GCNT2: variants seen among roughly 807,000 people sequenced by gnomAD.
GCNT2 encodes glucosaminyl (N-acetyl) transferase 2 (I blood group).
GCNT2 carries 34 observed loss-of-function variants against 34.2 expected under a neutral mutation model. The observed-to-expected ratio is 1.00, with a 90% CI of 0.76 to 1.32. The LOEUF is 1.32. Among genes scored for constraint, GCNT2 ranks in the 40% most tolerant of loss-of-function variants. GCNT2 has a pLI of 0.00. For missense variants in GCNT2, 584 were observed against 489.4 expected, an observed-to-expected ratio of 1.19 and a Z score of -1.82; for synonymous variants, 212 against 188.0, an observed-to-expected ratio of 1.13 and a Z score of -1.04.
At chr6:10,579,943 CCTA>C (rs963401451) in intron 3 of GCNT2, among the ~76,000 whole-genome samples, 2 of 152,032 alleles carry the variant, frequency 1.3e-5, no homozygotes, top group African/African-American at 4.8e-5. Context: ...ACTTACTTCA[CCTA>C]CTGCTGTCGG....
intron 3 of GCNT2, among the ~76,000 whole-genome samples, chr6:10,577,143 G>C (rs1763855939): frequency 6.6e-6 from 1 of 152,256 alleles, no homozygotes; most frequent in South Asian, 2.1e-4. Flanking sequence ...AATTGGGCGT[G>C]TGTGACTTTG....
chr6:10,562,802 G>C (rs1257296211), intron 3 of GCNT2, among the ~76,000 whole-genome samples: 1 of 152,110 alleles, frequency 6.6e-6, no homozygotes, highest in Non-Finnish European at 1.5e-5. Context: ...GGCTTTGGTG[G>C]AGGAGGCTGC....
chr6:10,539,310 C>T (rs534811637), intron 3 of GCNT2, among the ~76,000 whole-genome samples: 102 of 151,288 alleles, frequency 6.7e-4, no homozygotes, highest in African/African-American at 2.4e-3. Context: ...CTGCCTCAGC[C>T]TCCCGAGTTG....
rs1491129469 is a variant in GCNT2, at chr6:10,534,139, C to CTTTTTTTTTTTTTT, written c.925+4304_925+4305insTTTTTTTTTTTTTT. ...CTGGTATCTGCCAGATTCCATGCTGCTCTTTTTTTTTTTTTTTTTTAAGAT... is the reference window on the plus strand; with the variant it reads ...CTGGTATCTGCCAGATTCCATGCTGCTTTTTTTTTTTTTTTCTTTTTTTTTTTTTTTTTTAAGAT... On this transcript the variant is annotated intron_variant, in intron 3 of 4. Transcript: ENST00000495262. 3.2e-3 allele frequency among the ~76,000 whole-genome samples: 400 copies of CTTTTTTTTTTTTTT among 123,094 alleles called. 33 individuals carry two copies. Among genetic ancestry groups the CTTTTTTTTTTTTTT allele is most frequent in the South Asian group, 6.1e-3 (19 of 3,122 alleles). 80.8% of individuals were successfully genotyped at this position (123,094 alleles called of 152,430 possible).
At chr6:10,530,921 G>T (rs1761456796) in intron 3 of GCNT2, among the ~76,000 whole-genome samples, 1 of 151,976 alleles carries the variant, frequency 6.6e-6, no homozygotes, top group Non-Finnish European at 1.5e-5. Context: ...AGGCGTGGTG[G>T]CGCATGCCTG....
At chr6:10,616,751 G>T (rs946023515) in intron 3 of GCNT2, among the ~76,000 whole-genome samples, 1 of 152,106 alleles carries the variant, frequency 6.6e-6, no homozygotes, top group Admixed American at 6.5e-5. Flanking sequence ...TAGATACAGA[G>T]TGCTGATTGC....
intron 3 of GCNT2, among the ~76,000 whole-genome samples, chr6:10,567,624 G>A (rs188369242): frequency 1.3e-3 from 204 of 152,258 alleles, no homozygotes; most frequent in Non-Finnish European, 2.0e-3. Flanking sequence ...ATATTTCTTG[G>A]ATGTATTGAA....
intron 3 of GCNT2, chr6:10,556,431 T>G: frequency 6.2e-7 from 1 of 1,613,984 alleles, no homozygotes; most frequent in South Asian, 1.1e-5. Context: ...GGCATGCCTT[T>G]ATCAATGCGT....
rs55637072 is a variant in GCNT2 at position 10,559,072 on chromosome 6, CTT to C, written c.925+29252_925+29253del. On this transcript the variant is annotated intron_variant, in intron 3 of 4. Coordinates refer to ENST00000495262, the MANE Select transcript of GCNT2 (RefSeq NM_145649.5). Reference sequence around the variant, plus strand: ...AAGTTAACAAAAGTCTAAATTGTTGCTTTTTTTTTTTTTTTTTAGAAAAACAT... The same window carrying C: ...AAGTTAACAAAAGTCTAAATTGTTGCTTTTTTTTTTTTTTTAGAAAAACAT... Among the ~76,000 whole-genome samples, 106 of 122,470 alleles carry C rather than the reference CTT, an allele frequency of 8.7e-4. 1 individual carries two copies. The South Asian group carries it at 0.015, about 18-fold the overall frequency. The allele number at this position is 122,470 out of a possible 152,430, so 80.3% of individuals were successfully genotyped here.
chr6:10,546,083 T>G (rs961028054), intron 3 of GCNT2, among the ~76,000 whole-genome samples: 1 of 152,192 alleles, frequency 6.6e-6, no homozygotes, highest in Non-Finnish European at 1.5e-5. Context: ...TATGCCTCAC[T>G]GCTGAGCTTC....
chr6:10,532,262 A>G (rs1761530540), intron 3 of GCNT2, among the ~76,000 whole-genome samples: 1 of 152,190 alleles, frequency 6.6e-6, no homozygotes, highest in Admixed American at 6.5e-5. Flanking sequence ...CGATGTATCT[A>G]TTGGAGCTGG....
At chr6:10,532,083 C>T (rs1044327333) in intron 3 of GCNT2, among the ~76,000 whole-genome samples, 1 of 152,120 alleles carries the variant, frequency 6.6e-6, no homozygotes. Context: ...AAACGGGCAG[C>T]TTCCTCAATG....
Position 10,529,063 on chromosome 6 carries a change from A to G in GCNT2, c.152A>G (p.Gln51Arg), listed in dbSNP as rs888743161. 23 of 1,614,064 alleles carry G rather than the reference A, an allele frequency of 1.4e-5. No individual in the cohort carries two copies. The highest frequency in any genetic ancestry group is 1.9e-5 in the Non-Finnish European group (22 of 1,180,024). Residue 51 changes from glutamine to arginine, a missense_variant, in exon 3 of 5, where the codon CAG becomes CGG. Coordinates refer to ENST00000495262, the MANE Select transcript of GCNT2 (RefSeq NM_145649.5). The stretch of plus-strand genomic sequence containing the variant: ...TCACTGTTAGCAGAAGCCTGTCATC[A>G]GATTTTTGAGGGGAAAGTTTTTTAC... ...NASLLAEACH[Q>R]IFEGKVFYPT...
chr6:10,553,898 G>GA (rs1192282547), intron 3 of GCNT2, among the ~76,000 whole-genome samples: 4 of 152,016 alleles, frequency 2.6e-5, no homozygotes, highest in African/African-American at 7.2e-5. Flanking sequence ...TGCCTCAAAG[G>GA]AAAAAAACCA....
intron 3 of GCNT2, among the ~76,000 whole-genome samples, chr6:10,534,698 A>C (rs1234907767): frequency 6.8e-6 from 1 of 148,090 alleles, no homozygotes; most frequent in Non-Finnish European, 1.5e-5. Flanking sequence ...TTGTCTCTAC[A>C]AAAAAAAATC....
chr6:10,524,368 C>T (rs1761087753), intron 1 of GCNT2, among the ~76,000 whole-genome samples: 1 of 151,716 alleles, frequency 6.6e-6, no homozygotes, highest in South Asian at 2.1e-4. Context: ...TCTCCTGCCT[C>T]AGCCTCCTGA....
intron 4 of GCNT2, among the ~76,000 whole-genome samples, chr6:10,624,089 T>C (rs1766161050): frequency 6.6e-6 from 1 of 152,190 alleles, no homozygotes. Flanking sequence ...GGTCCTGTCA[T>C]CTACCTTCAG....
In GCNT2 at chr6:10,569,235, C is replaced by CCACACACACACACACACACACACACACA. The variant is rs373362957; in HGVS notation, c.925+39411_925+39438dup. ...CACCCCCTGCCACCCACTCCCCCCGCCACACACACACACACACACACACAC... is the reference window on the plus strand; with the variant it reads ...CACCCCCTGCCACCCACTCCCCCCGCCACACACACACACACACACACACACACACACACACACACACACACACACACAC... On this transcript the variant is annotated intron_variant, in intron 3 of 4. Transcript: ENST00000495262. Among the ~76,000 whole-genome samples, 381 of 47,472 alleles carry CCACACACACACACACACACACACACACA rather than the reference C, an allele frequency of 8.0e-3. 11 individuals carry two copies. The highest frequency in any genetic ancestry group is 0.011 in the Admixed American group (39 of 3,694). The allele number at this position is 47,472 out of a possible 152,430, so 31.1% of individuals were successfully genotyped here.
intron 1 of GCNT2, 138 bp downstream of exon 1, chr6:10,521,555 G>A (rs981688748): frequency 1.1e-4 from 16 of 152,158 alleles, no homozygotes; most frequent in African/African-American, 3.9e-4. Flanking sequence ...CTGCGTGGAT[G>A]TTTTATATTT....
Sources: gnomAD v4.1 joint callset for allele counts (sites outside exome capture counted in the v4.1 genomes callset) on GRCh38, gnomAD v4.1.1 for gene constraint, MANE v1.5 for transcripts, NCBI Gene and HGNC (gene_info 2026-07-23, HGNC 2026-07-21) for gene names.